RAP1GAP2: variants seen among roughly 807,000 people sequenced by gnomAD.
RAP1GAP2 encodes RAP1 GTPase activating protein 2, also known as rap1 GTPase-activating protein 2.
A neutral mutation model predicts 95.0 loss-of-function variants in RAP1GAP2; 27 were observed. The ratio of observed to expected loss-of-function variants is 0.28; its 90% CI spans 0.21 to 0.39. The LOEUF is 0.39. RAP1GAP2 is among the 10% of genes least tolerant of loss of function. RAP1GAP2 has a pLI of 1.00. For missense variants in RAP1GAP2, 771 were observed against 970.0 expected, an observed-to-expected ratio of 0.79 and a Z score of 2.72; for synonymous variants, 373 against 380.9, an observed-to-expected ratio of 0.98 and a Z score of 0.24.
At chr17:2,761,889 A>G (rs2071256793) in intron 1 of RAP1GAP2, among the ~76,000 whole-genome samples, 1 of 151,688 alleles carries the variant, frequency 6.6e-6, no homozygotes, top group South Asian at 2.1e-4. Flanking sequence ...GTGAGTGTGA[A>G]ATGGTGTCTC....
intron 8 of RAP1GAP2, among the ~76,000 whole-genome samples, chr17:2,968,195 C>T (rs575270127): frequency 9.3e-4 from 142 of 152,114 alleles, no homozygotes; most frequent in African/African-American, 3.2e-3. Flanking sequence ...AGTGAGCCAA[C>T]AGAATGGGAG....
At chr17:2,967,188 GA>G (rs1002456616) in intron 8 of RAP1GAP2, among the ~76,000 whole-genome samples, 6 of 152,096 alleles carry the variant, frequency 3.9e-5, no homozygotes, top group East Asian at 1.9e-4. Context: ...CTAACACGGT[GA>G]AACCCCGTCT....
At chr17:2,831,179 G>GC (rs1335825078) in intron 2 of RAP1GAP2, among the ~76,000 whole-genome samples, 18 of 145,004 alleles carry the variant, frequency 1.2e-4, no homozygotes, top group Admixed American at 2.8e-4. Context: ...CCGGGTTCAA[G>GC]GATTCTCCTG....
At chr17:2,967,904 G>C (rs2044687520) in intron 8 of RAP1GAP2, among the ~76,000 whole-genome samples, 1 of 152,276 alleles carries the variant, frequency 6.6e-6, no homozygotes, top group South Asian at 2.1e-4. Context: ...CTAACAGCCT[G>C]TGTGTGCCAT....
rs79301033 is a variant in RAP1GAP2 at position 2,766,365 on chromosome 17, G to A, written c.51-3964G>A. Among the ~76,000 whole-genome samples, 229 of 152,314 alleles carry A rather than the reference G, an allele frequency of 1.5e-3. 1 individual carries two copies. The highest frequency in any genetic ancestry group is 4.9e-3 in the African/African-American group (202 of 41,562). On this transcript the variant is annotated intron_variant, in intron 1 of 25. Coordinates refer to the RAP1GAP2 transcript ENST00000637138. ...TTGAAAGTGGAGCCCACATCCAGAC[G>A]CACTGGCTCACGCCTGTAATCTCAG...
intron 22 of RAP1GAP2, among the ~76,000 whole-genome samples, chr17:3,028,853 T>C (rs1173008271): frequency 6.6e-6 from 1 of 152,062 alleles, no homozygotes; most frequent in Non-Finnish European, 1.5e-5. Context: ...CAGGCTGGAG[T>C]GCAATGGCGC....
chr17:2,801,880 G>A (rs1195098832), intron 2 of RAP1GAP2, among the ~76,000 whole-genome samples: 1 of 151,938 alleles, frequency 6.6e-6, no homozygotes. Context: ...TGCGTTTCTG[G>A]CCAAACCATT....
intron 2 of RAP1GAP2, among the ~76,000 whole-genome samples, chr17:2,862,162 G>A (rs149464306): frequency 1.2e-3 from 184 of 152,282 alleles, no homozygotes; most frequent in African/African-American, 4.2e-3. Flanking sequence ...AGCCATGACC[G>A]TCCTGAAGCT....
chr17:3,002,877 G>T (rs733448), intron 14 of RAP1GAP2, among the ~76,000 whole-genome samples: 3,451 of 152,204 alleles, frequency 0.023, 124 homozygotes, highest in African/African-American at 0.076. Context: ...CATCCTGCGG[G>T]AGGGAAGGAG....
intron 18 of RAP1GAP2, 70 bp from the exon 19 acceptor site, chr17:3,020,407 G>A: frequency 8.0e-7 from 1 of 1,247,256 alleles, no homozygotes; most frequent in Non-Finnish European, 1.2e-6. Context: ...TGTAGACCAG[G>A]GAGGAGGATG....
chr17:2,949,996 T>G (rs570060122), intron 3 of RAP1GAP2, among the ~76,000 whole-genome samples: 1 of 151,924 alleles, frequency 6.6e-6, no homozygotes, highest in East Asian at 1.9e-4. Flanking sequence ...TCACCAACTG[T>G]GCCAGCCCCA....
rs187104666 is a variant in RAP1GAP2, at chr17:2,985,086, C to T, written c.813+20C>T. 50 of 1,613,538 alleles carry T rather than the reference C, an allele frequency of 3.1e-5. No individual in the cohort carries two copies. In the Admixed American group the frequency reaches 7.3e-4, roughly 24 times the overall value. ...AGGCAGGTAAGCAGCACCATCCATA[C>T]CGGTGACTGTATCCCGTGGTTTCTC... On this transcript the variant is annotated intron_variant, in intron 11 of 24. Transcript: ENST00000254695.
At chr17:2,792,610 G>A (rs2068953474), upstream of RAP1GAP2, among the ~76,000 whole-genome samples, 1 of 152,220 alleles carries the variant, frequency 6.6e-6, no homozygotes, top group Admixed American at 6.5e-5. Context: ...GGATCCTCCT[G>A]GTTTCTCCAA....
At chr17:2,960,437 C>A (rs891077912) in intron 4 of RAP1GAP2, among the ~76,000 whole-genome samples, 1 of 152,188 alleles carries the variant, frequency 6.6e-6, no homozygotes, top group African/African-American at 2.4e-5. Context: ...AGCGCCTGTT[C>A]AGTGGGAACG....
At chr17:2,971,151 C>T in intron 8 of RAP1GAP2, among the ~76,000 whole-genome samples, 1 of 152,114 alleles carries the variant, frequency 6.6e-6, no homozygotes, top group East Asian at 1.9e-4. Context: ...CAAAGTAAAA[C>T]TAAATACATT....
At chr17:2,783,064 T>C (rs147311232) in intron 1 of RAP1GAP2, among the ~76,000 whole-genome samples, 1 of 152,302 alleles carries the variant, frequency 6.6e-6, no homozygotes, top group Non-Finnish European at 1.5e-5. Context: ...TCCCATTTTA[T>C]GAGGAAGTAG....
chr17:2,865,762 G>A (rs546900065), intron 2 of RAP1GAP2, among the ~76,000 whole-genome samples: 1 of 152,330 alleles, frequency 6.6e-6, no homozygotes, highest in East Asian at 1.9e-4. Context: ...CGTGGTGCAA[G>A]TGATGGGAAC....
intron 3 of RAP1GAP2, among the ~76,000 whole-genome samples, chr17:2,925,955 A>G (rs1489501881): frequency 2.0e-5 from 3 of 152,070 alleles, no homozygotes; most frequent in Non-Finnish European, 4.4e-5. Context: ...CCTGGCCAAC[A>G]TGGCGAAAGC....
intron 2 of RAP1GAP2, among the ~76,000 whole-genome samples, chr17:2,883,172 T>A (rs1006765322): frequency 6.6e-6 from 1 of 152,192 alleles, no homozygotes; most frequent in African/African-American, 2.4e-5. Context: ...TGGGTGGTGC[T>A]GGGGAGCTGG....
Sources: allele counts gnomAD v4.1 joint callset (sites outside exome capture counted in the v4.1 genomes callset), GRCh38; gene constraint gnomAD v4.1.1; transcripts MANE v1.5; gene names NCBI Gene and HGNC (gene_info 2026-07-23, HGNC 2026-07-21).